Variants in ELAVL2 observed in about 807,000 individuals in gnomAD.
The protein encoded by ELAVL2 is ELAV like RNA binding protein 2.
A neutral mutation model predicts 34.6 loss-of-function variants in ELAVL2; 4 were observed. The observed-to-expected ratio is 0.12, with a 90% CI of 0.06 to 0.26. ELAVL2 has a LOEUF of 0.26. Among genes scored for constraint, ELAVL2 ranks in the 10% least tolerant of loss-of-function variants. ELAVL2 has a pLI of 1.00. For missense variants in ELAVL2, 432 were observed against 442.8 expected, an observed-to-expected ratio of 0.98 and a Z score of 0.22; for synonymous variants, 193 against 154.8, an observed-to-expected ratio of 1.25 and a Z score of -1.83.
At chr9:23,833,505 A>C in the ELAVL2 span, among the ~76,000 whole-genome samples, 522 of 152,012 alleles carry the variant, frequency 3.4e-3, no homozygotes, top group Middle Eastern at 0.011. Flanking sequence ...ATGTGAAAAA[A>C]GATATTTTAT....
intron 3 of ELAVL2, among the ~76,000 whole-genome samples, chr9:23,709,823 T>TA (rs2040452448): frequency 6.6e-6 from 1 of 152,222 alleles, no homozygotes; most frequent in Non-Finnish European, 1.5e-5. Flanking sequence ...GTGAAGGATC[T>TA]AATTTAAGAG....
chr9:23,735,797 G>T lies in ELAVL2; in HGVS notation c.230-4672C>A, dbSNP rs376405499. ...TTATAAACAGGCTGGTAGAAATCAT[G>T]GTCAAGGGATCTATACCACAGAGCT... is the stretch of plus-strand genomic sequence containing the variant. On this transcript the variant is annotated intron_variant, in intron 2 of 6. Coordinates refer to ENST00000397312, the MANE Select transcript of ELAVL2 (RefSeq NM_004432.5). 2.6e-5 allele frequency among the ~76,000 whole-genome samples: 4 copies of T among 152,150 alleles called. No individual in the cohort carries two copies. The East Asian group carries it at 5.8e-4, about 22-fold the overall frequency.
intron 2 of ELAVL2, among the ~76,000 whole-genome samples, 186 bp downstream of exon 2, chr9:23,761,820 C>CA (rs1392053660): frequency 6.6e-6 from 1 of 151,928 alleles, no homozygotes; most frequent in African/African-American, 2.4e-5. Flanking sequence ...ATACTGCCCC[C>CA]AAAATAGTTT....
upstream of ELAVL2, among the ~76,000 whole-genome samples, chr9:23,831,086 A>G (rs2065486169): frequency 6.6e-6 from 1 of 152,246 alleles, no homozygotes; most frequent in Non-Finnish European, 1.5e-5. Context: ...GTCTCAGCTG[A>G]TAGTAATCAG....
At chr9:23,710,086 C>G (rs2040524162) in intron 3 of ELAVL2, among the ~76,000 whole-genome samples, 1 of 152,080 alleles carries the variant, frequency 6.6e-6, no homozygotes, top group African/African-American at 2.4e-5. Flanking sequence ...CTGTTCTTCA[C>G]AAACAAGACT....
chr9:23,743,726 G>A (rs1564218590), intron 2 of ELAVL2, among the ~76,000 whole-genome samples: 1 of 152,102 alleles, frequency 6.6e-6, no homozygotes, highest in Non-Finnish European at 1.5e-5. Flanking sequence ...ACTCTTAAAT[G>A]TATAACAGGG....
intron 2 of ELAVL2, among the ~76,000 whole-genome samples, chr9:23,731,460 A>T (rs1257093984): frequency 6.6e-6 from 1 of 152,164 alleles, no homozygotes; most frequent in African/African-American, 2.4e-5. Context: ...TGTGCTATGG[A>T]GAGGGCTTAA....
rs143442263 is a variant in ELAVL2, at chr9:23,726,469, T to C, written c.333+4553A>G. Among the ~76,000 whole-genome samples, 72 of 152,204 alleles carry C rather than the reference T, an allele frequency of 4.7e-4. No homozygotes were observed. In the East Asian group the frequency reaches 0.013, roughly 27 times the overall value. On this transcript the variant is annotated intron_variant, in intron 3 of 6. Coordinates refer to ENST00000397312, the MANE Select transcript of ELAVL2 (RefSeq NM_004432.5). The stretch of plus-strand genomic sequence containing the variant: ...ATTCTAGACAGAATTTTTTTTTCTT[T>C]TGAGGGGTCAGAACTTACCAATAAC...
At chr9:23,826,877 T>C (rs1226420327), upstream of ELAVL2, among the ~76,000 whole-genome samples, 1 of 152,206 alleles carries the variant, frequency 6.6e-6, no homozygotes. Context: ...TGTTAGGTAA[T>C]TGTATGTCTT....
chr9:23,841,974 T>C, the ELAVL2 span, among the ~76,000 whole-genome samples: 1 of 152,194 alleles, frequency 6.6e-6, no homozygotes, highest in Non-Finnish European at 1.5e-5. Flanking sequence ...ACTCATCAGA[T>C]AACAACTCTA....
At chr9:23,834,475 TG>T in the ELAVL2 span, among the ~76,000 whole-genome samples, 2 of 152,018 alleles carry the variant, frequency 1.3e-5, no homozygotes, top group Non-Finnish European at 2.9e-5. Flanking sequence ...GTGATAATAA[TG>T]CCTAATTTAG....
At chr9:23,804,181 AT>A (rs34753432) in intron 1 of ELAVL2, among the ~76,000 whole-genome samples, 7 of 147,272 alleles carry the variant, frequency 4.8e-5, no homozygotes, top group Non-Finnish European at 6.0e-5. Flanking sequence ...TTATTTATTT[AT>A]TTTTTTTTTG....
rs557823858 is a variant in ELAVL2, at chr9:23,782,800, C to T, written c.-15-20551G>A. ...TATTAATAAACTATTTACCAGCCTG[C>T]TTGACCACCAAGGTTTGGTAAACAG... On this transcript the variant is annotated intron_variant, in intron 1 of 6. Transcript: ENST00000397312. Among the ~76,000 whole-genome samples the T allele has an allele frequency of 8.4e-4, 128 of 152,332 alleles. 1 individual carries two copies. Among genetic ancestry groups the T allele is most frequent in the Non-Finnish European group, 1.5e-3 (104 of 68,036 alleles).
At chr9:23,764,141 G>C (rs2055690292) in intron 1 of ELAVL2, among the ~76,000 whole-genome samples, 3 of 152,094 alleles carry the variant, frequency 2.0e-5, no homozygotes, top group Admixed American at 2.0e-4. Context: ...TTGCCCAGCA[G>C]TTATGGAAAC....
chr9:23,781,706 T>G (rs2059091430), intron 1 of ELAVL2, among the ~76,000 whole-genome samples: 1 of 151,734 alleles, frequency 6.6e-6, no homozygotes, highest in African/African-American at 2.4e-5. Context: ...TTTTGTTTGT[T>G]TTTTGAGATG....
intron 2 of ELAVL2, among the ~76,000 whole-genome samples, chr9:23,749,382 G>A (rs2051315587): frequency 6.6e-6 from 1 of 152,058 alleles, no homozygotes; most frequent in Non-Finnish European, 1.5e-5. Flanking sequence ...CCTAATGGAT[G>A]TCAAAATAGG....
At chr9:23,773,240 T>C (rs2136384573) in intron 1 of ELAVL2, among the ~76,000 whole-genome samples, 1 of 152,340 alleles carries the variant, frequency 6.6e-6, no homozygotes, top group East Asian at 1.9e-4. Flanking sequence ...AAGTTAATGC[T>C]AGACACTATA....
upstream of ELAVL2, among the ~76,000 whole-genome samples, chr9:23,828,247 A>G (rs776735503): frequency 1.3e-5 from 2 of 152,190 alleles, no homozygotes; most frequent in Non-Finnish European, 2.9e-5. Flanking sequence ...GTTTGATTTC[A>G]TCAGACTTAC....
chr9:23,767,427 G>C (rs890586622), intron 1 of ELAVL2, among the ~76,000 whole-genome samples: 1 of 152,130 alleles, frequency 6.6e-6, no homozygotes, highest in African/African-American at 2.4e-5. Context: ...AAGGTAATCA[G>C]CTTCTTCACT....
Sources: gnomAD v4.1 joint callset for allele counts (sites outside exome capture counted in the v4.1 genomes callset) on GRCh38, gnomAD v4.1.1 for gene constraint, MANE v1.5 for transcripts, NCBI Gene and HGNC (gene_info 2026-07-23, HGNC 2026-07-21) for gene names.